Variants in DAB2IP observed in about 807,000 individuals in gnomAD.
DAB2IP encodes the protein disabled homolog 2-interacting protein.
A neutral mutation model predicts 107.2 loss-of-function variants in DAB2IP; 28 were observed. The ratio of observed to expected loss-of-function variants is 0.26; its 90% CI spans 0.19 to 0.36. The LOEUF (loss-of-function observed/expected upper bound fraction) is 0.36, where lower values mean the gene tolerates loss of function less well. DAB2IP is among the 10% of genes least tolerant of loss of function. The pLI, the probability that DAB2IP is intolerant of heterozygous loss-of-function variation, is 1.00. For synonymous variants in DAB2IP, 755 were observed against 706.4 expected, an observed-to-expected ratio of 1.07 and a Z score of -1.09; for missense variants, 1,400 against 1,644.7, an observed-to-expected ratio of 0.85 and a Z score of 2.57.
chr9:121,758,826 G>GT (rs1276147131), intron 4 of DAB2IP, 72 bp from the exon 5 acceptor site: 16 of 1,404,668 alleles, frequency 1.1e-5, no homozygotes, highest in Non-Finnish European at 1.6e-5. Context: ...AGCCTCCAAG[G>GT]TCTTCTTCCA....
Position 121,772,680 on chromosome 9 carries a change from G to A in DAB2IP, c.2152G>A (p.Gly718Arg), listed in dbSNP as rs781504665. 36 of 1,613,896 alleles carry A rather than the reference G, an allele frequency of 2.2e-5. No individual in the cohort carries two copies. The highest frequency in any genetic ancestry group is 8.3e-5 in the Admixed American group (5 of 60,002). ...CTTGTTTTTTGTCACAAGGTCCTCC[G>A]GGGTCCAGCCCTCACCTGCCCGCAG... The change falls in exon 12 of 16, where the codon GGG becomes AGG. Residue 718 changes from glycine (G) to arginine (R), a missense_variant. Physicochemically the swap from Gly to Arg is moderately radical, Grantham distance 125. Transcript: ENST00000408936. The surrounding 1 kb of genome is among the most constrained non-coding windows in gnomAD (Gnocchi z 4.7).
intron 3 of DAB2IP, among the ~76,000 whole-genome samples, chr9:121,732,286 G>A (rs111391752): frequency 8.5e-5 from 13 of 152,130 alleles, no homozygotes; most frequent in Admixed American, 1.3e-4. Context: ...TAGAGATGTC[G>A]CATGGGTGGG....
At chr9:121,567,209 G>A (rs1829824821) in exon 1 of DAB2IP, 5 of 1,613,960 alleles carry the variant, frequency 3.1e-6, no homozygotes, top group Admixed American at 1.7e-5. Flanking sequence ...ACTCCCTTCT[G>A]GACCAAGACG....
rs559157471 is a variant in DAB2IP at position 121,725,515 on chromosome 9, G to A, written c.362+26057G>A. ...TTTCCTGTGTGCTTCCTCTGTGTAC[G>A]CTCTGCTGTGGGCAGGGGGTAGGGG... On this transcript the variant is annotated intron_variant, in intron 3 of 15. Coordinates refer to ENST00000408936, the Ensembl canonical transcript of DAB2IP. 1.3e-3 allele frequency among the ~76,000 whole-genome samples: 192 copies of A among 152,312 alleles called. 1 individual carries two copies. Among genetic ancestry groups the A allele is most frequent in the Non-Finnish European group, 2.3e-3 (158 of 68,022 alleles).
chr9:121,587,929 G>A (rs981057297), intron 1 of DAB2IP, among the ~76,000 whole-genome samples: 1 of 152,152 alleles, frequency 6.6e-6, no homozygotes, highest in Non-Finnish European at 1.5e-5. Flanking sequence ...ACATTTACCT[G>A]GCATCTTGTA....
Position 121,633,855 on chromosome 9 carries a change from T to C in DAB2IP, c.41-44823T>C, listed in dbSNP as rs1294440041. Among the ~76,000 whole-genome samples, 1 of 152,226 alleles carries C rather than the reference T, an allele frequency of 6.6e-6. No individual in the cohort carries two copies. Among genetic ancestry groups the C allele is most frequent in the African/African-American group, 2.4e-5 (1 of 41,464 alleles). On this transcript the variant is annotated intron_variant, in intron 1 of 16. Transcript: ENST00000259371. This position sits in a 1 kb window ranked among gnomAD's most constrained non-coding sequence, Gnocchi z 5.1. ...GGGAAGTCAAGTTAGGTCTCTGCCA[T>C]GGGTCTGGGGCTGCTGCTCTCTTCC...
intron 1 of DAB2IP, among the ~76,000 whole-genome samples, chr9:121,612,312 G>C (rs374136913): frequency 6.6e-6 from 1 of 151,878 alleles, no homozygotes; most frequent in Non-Finnish European, 1.5e-5. Flanking sequence ...TGGTAGCAGA[G>C]TGAGACCCTG....
At chr9:121,587,313 G>A (rs1021163844) in intron 1 of DAB2IP, among the ~76,000 whole-genome samples, 1 of 152,156 alleles carries the variant, frequency 6.6e-6, no homozygotes, top group East Asian at 1.9e-4. Flanking sequence ...AGGGGTTCAA[G>A]AATGGGGTTG....
At chr9:121,783,722 C>G in exon 16 of DAB2IP, 1 of 861,422 alleles carries the variant, frequency 1.2e-6, no homozygotes. Flanking sequence ...TCCCGGCCCC[C>G]GGCCAAGGAC....
At chr9:121,775,388 A>G (rs1241943287) in intron 13 of DAB2IP, among the ~76,000 whole-genome samples, 1 of 152,164 alleles carries the variant, frequency 6.6e-6, no homozygotes, top group Admixed American at 6.5e-5. Context: ...CCATAGTTAC[A>G]TGAAGGGGAC....
At chr9:121,658,125 A>G (rs556336173) in intron 1 of DAB2IP, among the ~76,000 whole-genome samples, 1 of 152,240 alleles carries the variant, frequency 6.6e-6, no homozygotes, top group Admixed American at 6.5e-5. Context: ...ACTCCCGTGT[A>G]CTGTTGAACT....
In DAB2IP at chr9:121,776,116, TACCCTTCCTCCC is replaced by T. The variant is rs1002171257; in HGVS notation, c.3121-79_3121-68del. On this transcript the variant is annotated intron_variant, in intron 13 of 15. Coordinates refer to ENST00000408936, the Ensembl canonical transcript of DAB2IP. This position sits in a 1 kb window ranked among gnomAD's most constrained non-coding sequence, Gnocchi z 5.4. The stretch of plus-strand genomic sequence containing the variant: ...GGGCCTTTCAAGTGGGGCTCCCTCC[TACCCTTCCTCCC>T]ACTCGGGCTGACGAAGCTGTGCTCT... 5 of 1,498,268 alleles carry T rather than the reference TACCCTTCCTCCC, an allele frequency of 3.3e-6. No homozygotes were observed. In the African/African-American group the frequency reaches 5.6e-5, roughly 17 times the overall value. 92.8% of individuals were successfully genotyped at this position (1,498,268 alleles called of 1,614,324 possible).
intron 1 of DAB2IP, among the ~76,000 whole-genome samples, chr9:121,608,352 TAGG>T (rs1830957533): frequency 6.6e-6 from 1 of 152,062 alleles, no homozygotes; most frequent in South Asian, 2.1e-4. Flanking sequence ...TTTATATTCT[TAGG>T]AGAAGCCAGA....
chr9:121,687,033 G>A (rs1828919350), intron 2 of DAB2IP, among the ~76,000 whole-genome samples: 1 of 152,150 alleles, frequency 6.6e-6, no homozygotes, highest in Non-Finnish European at 1.5e-5. Context: ...TGCGCAGGGT[G>A]GTTTCCTGCC....
intron 1 of DAB2IP, among the ~76,000 whole-genome samples, chr9:121,640,569 C>T (rs926523688): frequency 6.6e-6 from 1 of 152,136 alleles, no homozygotes; most frequent in Non-Finnish European, 1.5e-5. Context: ...CCCCCCACAC[C>T]ATGTCCTCTG....
At chr9:121,626,702 G>C (rs1416719884) in intron 1 of DAB2IP, among the ~76,000 whole-genome samples, 1 of 152,082 alleles carries the variant, frequency 6.6e-6, no homozygotes, top group Non-Finnish European at 1.5e-5. Context: ...GGGATTACAG[G>C]TGTGAGCCAC....
intron 2 of DAB2IP, among the ~76,000 whole-genome samples, chr9:121,693,125 G>A (rs1055810966): frequency 6.6e-6 from 1 of 152,210 alleles, no homozygotes; most frequent in East Asian, 1.9e-4. Flanking sequence ...TTCTTGAAGC[G>A]TGGATGCTGA....
chr9:121,736,148 T>G lies in DAB2IP; in HGVS notation c.363-20865T>G, dbSNP rs1353327468. Among the ~76,000 whole-genome samples, 2 of 152,240 alleles carry G rather than the reference T, an allele frequency of 1.3e-5. No individual in the cohort carries two copies. The highest frequency in any genetic ancestry group is 2.9e-5 in the Non-Finnish European group (2 of 68,044). On this transcript the variant is annotated intron_variant, in intron 3 of 15. Coordinates refer to ENST00000408936, the Ensembl canonical transcript of DAB2IP. The surrounding 1 kb of genome is among the most constrained non-coding windows in gnomAD (Gnocchi z 4.6). ...TGGTAGACAAACCCCTGGCCTTGTC[T>G]GGACCTCAGTTGTGTTCACTTGTTA...
intron 3 of DAB2IP, among the ~76,000 whole-genome samples, chr9:121,752,333 C>G (rs1833180019): frequency 6.7e-6 from 1 of 149,166 alleles, no homozygotes; most frequent in African/African-American, 2.6e-5. Flanking sequence ...CACTGACCTC[C>G]CGTTCCCTCT....
Sources: allele counts gnomAD v4.1 joint callset (sites outside exome capture counted in the v4.1 genomes callset), GRCh38; gene constraint gnomAD v4.1.1; non-coding constraint Gnocchi (gnomAD v3.1); transcripts MANE v1.5; gene names NCBI Gene and HGNC (gene_info 2026-07-23, HGNC 2026-07-21).